Variants in CSRNP2 observed in about 807,000 individuals in gnomAD.
CSRNP2 encodes the protein cysteine/serine-rich nuclear protein 2.
In CSRNP2, 11 loss-of-function variants were observed where a neutral mutation model predicts 36.6. The observed-to-expected ratio is 0.30, with a 90% CI of 0.19 to 0.50. The LOEUF is 0.50. Among genes scored for constraint, CSRNP2 ranks in the 20% least tolerant of loss-of-function variants. CSRNP2 has a pLI of 0.98. For missense variants in CSRNP2, 483 were observed against 691.4 expected (o/e 0.70, Z 3.38); for synonymous variants, 248 against 275.3 (o/e 0.90, Z 0.98).
chr12:51,081,858 A>AAC (rs755047595), intron 1 of CSRNP2, among the ~76,000 whole-genome samples: 1 of 151,566 alleles, frequency 6.6e-6, no homozygotes, highest in Non-Finnish European at 1.5e-5. Context: ...ACAAAAAAAA[A>AAC]CAGCATATGT....
At chr12:51,074,863 A>G (rs10876132) in intron 2 of CSRNP2, among the ~76,000 whole-genome samples, 66,602 of 151,830 alleles carry the variant, frequency 0.44, 16,218 homozygotes, top group Non-Finnish European at 0.56. Context: ...TCAAGAGATC[A>G]AGACCATCCT....
intron 2 of CSRNP2, 87 bp from the exon 3 acceptor site, chr12:51,074,169 G>C: frequency 6.9e-7 from 1 of 1,440,856 alleles, no homozygotes; most frequent in South Asian, 1.4e-5. Context: ...CCAGGCTGGA[G>C]TGCTGTGGCA....
intron 3 of CSRNP2, among the ~76,000 whole-genome samples, chr12:51,069,954 C>T (rs1206609910): frequency 6.6e-6 from 1 of 151,998 alleles, no homozygotes; most frequent in Non-Finnish European, 1.5e-5. Context: ...CCCGCCTCAG[C>T]CTCCCAAAGT....
intron 4 of CSRNP2, among the ~76,000 whole-genome samples, chr12:51,065,614 C>T (rs984825859): frequency 2.6e-5 from 4 of 151,870 alleles, no homozygotes; most frequent in South Asian, 2.1e-4. Context: ...TGAGCCACCG[C>T]GCCCGGCCCT....
At position 51,064,021 on chromosome 12, in the gene CSRNP2, A is replaced by T. The variant is rs1165653735; in HGVS notation, c.1357T>A (p.Ser453Thr). ...FPKEKDLNVFSLPVTSLVACS... is the reference protein window; with the variant it reads ...FPKEKDLNVFTLPVTSLVACS... Reference sequence around the variant, plus strand: ...GCCACGAGTGAGGTAACAGGGAGAGAGAAGACATTCAGATCCTTCTCCTTT... The same window carrying T: ...GCCACGAGTGAGGTAACAGGGAGAGTGAAGACATTCAGATCCTTCTCCTTT... Residue 453 changes from serine (S) to threonine (T), a missense_variant, in exon 5 of 5, where the codon TCT (serine) becomes ACT (threonine). Coordinates refer to ENST00000228515, the MANE Select transcript of CSRNP2 (RefSeq NM_030809.3). 6.2e-7 allele frequency: 1 copy of T among 1,614,200 alleles called. No individual in the cohort carries two copies. The highest frequency in any genetic ancestry group is 1.7e-5 in the Admixed American group (1 of 60,034).
At position 51,064,017 on chromosome 12, in the gene CSRNP2, A is replaced by G. The variant is rs755033547; in HGVS notation, c.1361T>C (p.Leu454Pro). The stretch of plus-strand genomic sequence containing the variant: ...ACAAGCCACGAGTGAGGTAACAGGG[A>G]GAGAGAAGACATTCAGATCCTTCTC... ...PKEKDLNVFSLPVTSLVACSS... is the reference protein window; with the variant it reads ...PKEKDLNVFSPPVTSLVACSS... Residue 454 changes from leucine to proline, a missense_variant, in exon 5 of 5, where the codon CTC (leucine) becomes CCC (proline). By Grantham distance (98) the Leu-to-Pro change is moderately conservative (BLOSUM62 -3). Coordinates refer to ENST00000228515, the MANE Select transcript of CSRNP2 (RefSeq NM_030809.3). 17 of 1,614,214 alleles carry G rather than the reference A, an allele frequency of 1.1e-5. No individual in the cohort carries two copies. In the South Asian group the frequency reaches 1.9e-4, roughly 18 times the overall value.
At position 51,061,761 on chromosome 12, in the gene CSRNP2, TG is replaced by T. The variant is rs1250927234; in HGVS notation, c.*1984del. 2 of 152,216 alleles carry T rather than the reference TG, an allele frequency of 1.3e-5. No homozygotes were observed. The highest frequency in any genetic ancestry group is 1.3e-4 in the Admixed American group (2 of 15,274). The allele number at this position is 152,216 out of a possible 1,614,324, so 9.4% of individuals were successfully genotyped here. A position where few individuals can be genotyped will look rare whatever the true frequency, so the allele number is the denominator to read the frequency against. ...GCTAATGTGTTCCTCATCGTGCAGC[TG>T]GAATCTACTTCCTAGATTAAGCCGG... is the stretch of plus-strand genomic sequence containing the variant. On this transcript the variant is annotated 3_prime_UTR_variant, in exon 5 of 5. Coordinates refer to ENST00000228515, the MANE Select transcript of CSRNP2 (RefSeq NM_030809.3).
Position 51,064,687 on chromosome 12 carries a change from G to GGTT in CSRNP2, c.709-21_709-19dup, listed in dbSNP as rs1312628247. On this transcript the variant is annotated intron_variant, in intron 4 of 4. Coordinates refer to ENST00000228515, the MANE Select transcript of CSRNP2 (RefSeq NM_030809.3). ...CGATCCACCTGAGCGGGGACAAGAA[G>GGTT]GTTGGGGCAAGATGAGACCTACAAT... 6.7e-7 allele frequency: 1 copy of GGTT among 1,500,276 alleles called. No individual in the cohort carries two copies. Among genetic ancestry groups the GGTT allele is most frequent in the African/African-American group, 1.4e-5 (1 of 71,526 alleles). 92.9% of individuals were successfully genotyped at this position (1,500,276 alleles called of 1,614,324 possible).
At chr12:51,082,464 TTG>T (rs1939681136) in intron 1 of CSRNP2, 2 of 152,140 alleles carry the variant, frequency 1.3e-5, no homozygotes, top group African/African-American at 4.8e-5. Flanking sequence ...CATCCTGGCT[TTG>T]TGGATTTGCA....
chr12:51,064,795 T>C, intron 4 of CSRNP2, 126 bp from the exon 5 acceptor site: 1 of 685,058 alleles, frequency 1.5e-6, no homozygotes, highest in Non-Finnish European at 2.3e-6. Flanking sequence ...AAGCAACCAA[T>C]TCAAAGCATA....
At chr12:51,081,286 A>T (rs1013613485) in intron 1 of CSRNP2, 1 of 152,114 alleles carries the variant, frequency 6.6e-6, no homozygotes, top group Non-Finnish European at 1.5e-5. Flanking sequence ...AGACCTGCCT[A>T]AAAAAATAAA....
intron 3 of CSRNP2, among the ~76,000 whole-genome samples, chr12:51,072,635 CTCTCT>C (rs570972105): frequency 0.022 from 2,536 of 113,616 alleles, 74 homozygotes; most frequent in African/African-American, 0.073. Context: ...TTTTCCCAGC[CTCTCT>C]CTCTCGAAGA....
chr12:51,070,904 G>T (rs886983832), intron 3 of CSRNP2, among the ~76,000 whole-genome samples: 1 of 152,068 alleles, frequency 6.6e-6, no homozygotes, highest in Admixed American at 6.6e-5. Flanking sequence ...GAGAGACTAA[G>T]GTGGAAGAAT....
intron 1 of CSRNP2, among the ~76,000 whole-genome samples, chr12:51,079,607 C>A (rs1355926382): frequency 8.9e-5 from 12 of 135,392 alleles, no homozygotes; most frequent in Admixed American, 6.0e-4. Flanking sequence ...ACTAAAAATC[C>A]AAAAAAAAAA....
chr12:51,073,617 G>T (rs956732959), intron 3 of CSRNP2, among the ~76,000 whole-genome samples: 1 of 151,262 alleles, frequency 6.6e-6, no homozygotes, highest in Admixed American at 6.6e-5. Flanking sequence ...CCAACTACTC[G>T]GGAGGCTGAG....
chr12:51,077,044 CAAA>C (rs34490094), intron 1 of CSRNP2, among the ~76,000 whole-genome samples: 3 of 126,736 alleles, frequency 2.4e-5, no homozygotes, highest in Non-Finnish European at 4.9e-5. Context: ...GTTTGGTTGG[CAAA>C]AAAAAAAAAA....
chr12:51,071,869 G>A (rs1219934535), intron 3 of CSRNP2, among the ~76,000 whole-genome samples: 1 of 152,162 alleles, frequency 6.6e-6, no homozygotes, highest in East Asian at 1.9e-4. Flanking sequence ...TGTTGCTACG[G>A]CAGCTGGAAG....
rs778114380 is a variant in CSRNP2 at position 51,067,714 on chromosome 12, G to A, written c.667C>T (p.Pro223Ser). Residue 223 changes from proline to serine, a missense_variant, in exon 4 of 5, where the codon CCA (proline) becomes TCA (serine). Physicochemically the swap from Pro to Ser is moderately conservative, Grantham distance 74 (BLOSUM62 -1). This residue lies in a region of CSRNP2 where 206 missense variants were observed against 367.8 expected (regional missense o/e 0.56). Coordinates refer to ENST00000228515, the MANE Select transcript of CSRNP2 (RefSeq NM_030809.3). This position sits in a 1 kb window ranked among gnomAD's most constrained non-coding sequence, Gnocchi z 4.1. The stretch of plus-strand genomic sequence containing the variant: ...GCCTGGCTGCAGGCACACGCTTCTG[G>A]GTCACAATACAGTCGGCAGTCACAA... Reference protein sequence around the residue: ...CGCDCRLYCDPEACACSQAGI... With the variant: ...CGCDCRLYCDSEACACSQAGI... 7 of 1,613,980 alleles carry A rather than the reference G, an allele frequency of 4.3e-6. No homozygotes were observed. The highest frequency in any genetic ancestry group is 5.9e-6 in the Non-Finnish European group (7 of 1,180,030).
At chr12:51,079,377 C>T (rs534198675) in intron 1 of CSRNP2, among the ~76,000 whole-genome samples, 51 of 151,478 alleles carry the variant, frequency 3.4e-4, no homozygotes, top group Non-Finnish European at 6.2e-4. Flanking sequence ...AAAAAGATAC[C>T]GATCGACAAA....
Sources: allele counts gnomAD v4.1 joint callset (sites outside exome capture counted in the v4.1 genomes callset), GRCh38; gene constraint gnomAD v4.1.1; regional missense constraint gnomAD v4.1.1; non-coding constraint Gnocchi (gnomAD v3.1); transcripts MANE v1.5; gene names NCBI Gene and HGNC (gene_info 2026-07-23, HGNC 2026-07-21).